The following GRIP1 variants were observed in gnomAD, a reference collection of about 807,000 sequenced individuals.
GRIP1 encodes the protein glutamate receptor interacting protein 1.
A neutral mutation model predicts 129.9 loss-of-function variants in GRIP1; 45 were observed. The ratio of observed to expected loss-of-function variants is 0.35; its 90% confidence interval spans 0.27 to 0.44. GRIP1 has a LOEUF of 0.44. Ranked by LOEUF, GRIP1 falls within the 20% of genes least tolerant of loss-of-function variation. GRIP1 has a pLI of 1.00. For missense variants in GRIP1, 1,196 were observed against 1,396.8 expected, an observed-to-expected ratio of 0.86 and a Z score of 2.29; for synonymous variants, 530 against 520.8, an observed-to-expected ratio of 1.02 and a Z score of -0.24.
rs144156325 is a variant in GRIP1 at position 66,945,246 on chromosome 12, G to A, written c.58+123804C>T. Among the ~76,000 whole-genome samples, 66 of 152,216 alleles carry A rather than the reference G, an allele frequency of 4.3e-4. No individual in the cohort carries two copies. The East Asian group carries it at 6.4e-3, about 15-fold the overall frequency. ...AAATTGTGTGTCGTGGCAGTTTGGCGTACAGATTATTTTGTCACCCAGTTA... is the reference window on the plus strand; with the variant it reads ...AAATTGTGTGTCGTGGCAGTTTGGCATACAGATTATTTTGTCACCCAGTTA... On this transcript the variant is annotated intron_variant, in intron 1 of 1. Coordinates refer to the GRIP1 transcript ENST00000643019.
intron 1 of GRIP1, among the ~76,000 whole-genome samples, chr12:66,798,339 A>G (rs2038760611): frequency 6.6e-6 from 1 of 152,194 alleles, no homozygotes; most frequent in Non-Finnish European, 1.5e-5. Context: ...AATAAAAAGG[A>G]GGCATGAAAT....
At chr12:66,705,185 C>T (rs1033269274) in intron 1 of GRIP1, among the ~76,000 whole-genome samples, 1 of 152,024 alleles carries the variant, frequency 6.6e-6, no homozygotes, top group Admixed American at 6.6e-5. Flanking sequence ...TTAAGAATAA[C>T]AGCAATGGAA....
intron 19 of GRIP1, among the ~76,000 whole-genome samples, chr12:66,384,511 G>T (rs1388490830): frequency 6.6e-6 from 1 of 152,310 alleles, no homozygotes; most frequent in Non-Finnish European, 1.5e-5. Context: ...TTGGGGACTA[G>T]ATTACAAAGA....
intron 1 of GRIP1, among the ~76,000 whole-genome samples, chr12:67,027,076 C>T (rs1290359431): frequency 1.3e-5 from 2 of 152,168 alleles, no homozygotes; most frequent in African/African-American, 4.8e-5. Flanking sequence ...GCACACTCCA[C>T]CACACAAGGC....
At chr12:66,370,831 G>A (rs538710375) in intron 23 of GRIP1, among the ~76,000 whole-genome samples, 1 of 152,292 alleles carries the variant, frequency 6.6e-6, no homozygotes, top group Admixed American at 6.5e-5. Context: ...GCAAGAGTGG[G>A]TTTTGTTCCA....
At chr12:66,916,296 T>C (rs2041120535) in intron 1 of GRIP1, among the ~76,000 whole-genome samples, 1 of 152,110 alleles carries the variant, frequency 6.6e-6, no homozygotes, top group African/African-American at 2.4e-5. Flanking sequence ...GAGGCTGGAG[T>C]ACAGCAGGAA....
chr12:66,941,596 T>A (rs1042370781), intron 1 of GRIP1, among the ~76,000 whole-genome samples: 4 of 152,196 alleles, frequency 2.6e-5, no homozygotes, highest in African/African-American at 9.7e-5. Flanking sequence ...TCAACTCATG[T>A]GGCTTTACCG....
At chr12:66,973,984 G>A (rs2042115498) in intron 1 of GRIP1, among the ~76,000 whole-genome samples, 1 of 146,652 alleles carries the variant, frequency 6.8e-6, no homozygotes, top group African/African-American at 2.5e-5. Flanking sequence ...GTGTAATGGC[G>A]TGATCTCGGC....
chr12:66,800,914 G>C (rs913942535), intron 1 of GRIP1, among the ~76,000 whole-genome samples: 4 of 151,840 alleles, frequency 2.6e-5, no homozygotes, highest in African/African-American at 9.7e-5. Context: ...GAATTTCAAA[G>C]GTTTATCAAA....
chr12:66,527,460 G>A (rs2061289080), intron 5 of GRIP1, among the ~76,000 whole-genome samples: 1 of 151,990 alleles, frequency 6.6e-6, no homozygotes, highest in South Asian at 2.1e-4. Flanking sequence ...CTCACTCATA[G>A]GTGGGAATTG....
At chr12:66,465,052 C>T (rs1450399895) in intron 8 of GRIP1, among the ~76,000 whole-genome samples, 1 of 150,264 alleles carries the variant, frequency 6.7e-6, no homozygotes, top group East Asian at 2.0e-4. Context: ...TTAAGTGATT[C>T]TCATGCCTCA....
At chr12:66,799,732 A>T (rs897647974) in intron 1 of GRIP1, among the ~76,000 whole-genome samples, 1 of 152,300 alleles carries the variant, frequency 6.6e-6, no homozygotes, top group Non-Finnish European at 1.5e-5. Context: ...ATCAAGAAAG[A>T]AAGTCCTAAT....
At chr12:66,754,490 G>A (rs2037225469) in intron 1 of GRIP1, among the ~76,000 whole-genome samples, 1 of 152,102 alleles carries the variant, frequency 6.6e-6, no homozygotes, top group Non-Finnish European at 1.5e-5. Context: ...TTAAGTTGCG[G>A]GTTTAAATAA....
At chr12:67,017,390 G>A (rs1017008690) in intron 1 of GRIP1, among the ~76,000 whole-genome samples, 1 of 151,838 alleles carries the variant, frequency 6.6e-6, no homozygotes, top group African/African-American at 2.4e-5. Flanking sequence ...GCATTAGGTT[G>A]GGCCTTGAAG....
intron 1 of GRIP1, among the ~76,000 whole-genome samples, chr12:66,922,821 A>C (rs182381501): frequency 5.3e-5 from 8 of 152,332 alleles, no homozygotes; most frequent in African/African-American, 1.2e-4. Context: ...GGTCTTGAGG[A>C]TAGAAAGCCT....
At chr12:66,521,859 G>A (rs569941093) in intron 5 of GRIP1, among the ~76,000 whole-genome samples, 153 of 152,340 alleles carry the variant, frequency 1.0e-3, no homozygotes, top group Non-Finnish European at 1.6e-3. Context: ...ATTATATCCC[G>A]TACCTGGCTT....
intron 2 of GRIP1, among the ~76,000 whole-genome samples, chr12:66,550,943 G>A (rs551018221): frequency 1.3e-5 from 2 of 152,298 alleles, no homozygotes; most frequent in African/African-American, 2.4e-5. Context: ...TGCTTCAAGA[G>A]CCTCAGGCAG....
intron 7 of GRIP1, among the ~76,000 whole-genome samples, chr12:66,496,343 C>T (rs890698940): frequency 6.6e-6 from 1 of 152,146 alleles, no homozygotes; most frequent in Non-Finnish European, 1.5e-5. Flanking sequence ...CCACAGAACA[C>T]CCAGCTTTCG....
chr12:66,353,296 A>G, intron 24 of GRIP1, 121 bp downstream of exon 24: 1 of 791,346 alleles, frequency 1.3e-6, no homozygotes, highest in Non-Finnish European at 2.2e-6. Flanking sequence ...TGATTCCATA[A>G]TCTTGATGAC....
Sources: gnomAD v4.1 joint callset for allele counts (sites outside exome capture counted in the v4.1 genomes callset) on GRCh38, gnomAD v4.1.1 for gene constraint, MANE v1.5 for transcripts, NCBI Gene and HGNC (gene_info 2026-07-23, HGNC 2026-07-21) for gene names.